Variants in SPEG observed in about 807,000 individuals in gnomAD.
The protein encoded by SPEG is striated muscle preferentially expressed protein kinase.
In SPEG, 114 loss-of-function variants were observed where a neutral mutation model predicts 300.4. The ratio of observed to expected loss-of-function variants is 0.38; its 90% CI spans 0.33 to 0.44. SPEG has a LOEUF of 0.44. Ranked by LOEUF, SPEG falls within the 20% of genes least tolerant of loss-of-function variation. SPEG has a pLI of 1.00. For missense variants in SPEG, 4,201 were observed against 4,586.2 expected (o/e 0.92, Z 2.43); for synonymous variants, 1,964 against 2,018.9 (o/e 0.97, Z 0.73).
In SPEG at chr2:219,451,618, C is replaced by A; in HGVS notation, c.2258-7C>A. The A allele has an allele frequency of 1.3e-6, 2 of 1,538,134 alleles. No individual in the cohort carries two copies. Among genetic ancestry groups the A allele is most frequent in the East Asian group, 2.3e-5 (1 of 42,674 alleles). ...GTGGCGAGCCGGGTCCCTGTGCCTC[C>A]CCACAGTGTCCTGGCACAAGGATGG... On this transcript the variant is annotated splice_polypyrimidine_tract_variant and splice_region_variant and intron_variant, in intron 5 of 40. Coordinates refer to ENST00000312358, the MANE Select transcript of SPEG (RefSeq NM_005876.5). This position sits in a 1 kb window ranked among gnomAD's most constrained non-coding sequence, Gnocchi z 6.4.
chr2:219,472,165 C>A, intron 14 of SPEG, 62 bp from the exon 15 acceptor site: 1 of 1,566,678 alleles, frequency 6.4e-7, no homozygotes, highest in Non-Finnish European at 8.7e-7. Flanking sequence ...CCCTGAGGCT[C>A]GGTGATCCTG....
At chr2:219,463,068 G>A (rs903828335) in intron 8 of SPEG, among the ~76,000 whole-genome samples, 3 of 152,096 alleles carry the variant, frequency 2.0e-5, no homozygotes, top group African/African-American at 7.2e-5. Context: ...AAATTAGCTG[G>A]ACGTGGTAGT....
Position 219,464,576 on chromosome 2 carries a change from C to G in SPEG, c.2849C>G (p.Ala950Gly). 3 of 1,614,232 alleles carry G rather than the reference C, an allele frequency of 1.9e-6. No individual in the cohort carries two copies. Among genetic ancestry groups the G allele is most frequent in the Non-Finnish European group, 1.7e-6 (2 of 1,180,024 alleles). ...TGCAAAGCGGTCAATGAGTATGGTG[C>G]TCGGCAGTGCGAGGCCCGCTTGGAG... ...YTCKAVNEYG[A>G]RQCEARLEVR... Residue 950 changes from alanine (A) to glycine (G), a missense_variant, in exon 9 of 41, where the codon GCT becomes GGT. By Grantham distance (60) the Ala-to-Gly change is moderately conservative. Coordinates refer to ENST00000312358, the MANE Select transcript of SPEG (RefSeq NM_005876.5). This position sits in a 1 kb window ranked among gnomAD's most constrained non-coding sequence, Gnocchi z 4.5.
intron 9 of SPEG, chr2:219,465,954 TGTGCGTGTGCATGC>T (rs1210601954): frequency 1.5e-5 from 14 of 963,540 alleles, no homozygotes; most frequent in African/African-American, 6.3e-5. Flanking sequence ...TGCGTGCATG[TGTGCGTGTGCATGC>T]GTGTGTGTGC....
At chr2:219,471,512 T>G in intron 13 of SPEG, 2 of 284,950 alleles carry the variant, frequency 7.0e-6, no homozygotes, top group African/African-American at 2.2e-5. Flanking sequence ...GACATAGAGG[T>G]TGTGACCATG....
At position 219,477,414 on chromosome 2, in the gene SPEG, C is replaced by T. The variant is rs1692449848; in HGVS notation, c.4698C>T (p.Val1566=). The T allele has an allele frequency of 6.3e-7, 1 of 1,599,896 alleles. No individual in the cohort carries two copies. Among genetic ancestry groups the T allele is most frequent in the Non-Finnish European group, 8.5e-7 (1 of 1,173,272 alleles). The change falls in exon 20 of 41, where the codon GTC becomes GTT. Residue 1566 remains valine (V), a synonymous_variant. Coordinates refer to ENST00000312358, the MANE Select transcript of SPEG (RefSeq NM_005876.5). This position sits in a 1 kb window ranked among gnomAD's most constrained non-coding sequence, Gnocchi z 6.4. ...CCGCCCAGAACCTGGCGGGTGAGGT[C>T]TCCTGCAAAGCAGAGTTGGCTGTGC... ...TCTAQNLAGE[V]SCKAELAVHS...
rs530891153 is a variant in SPEG at position 219,462,211 on chromosome 2, G to A, written c.2617-87G>A. ...CAGAGCCAGTCTCAGCCTGGCTGTG[G>A]AAGAGTCCTCCGTCTCAGATTCCAC... On this transcript the variant is annotated intron_variant, in intron 7 of 40. Coordinates refer to ENST00000312358, the MANE Select transcript of SPEG (RefSeq NM_005876.5). The A allele has an allele frequency of 9.6e-5, 123 of 1,281,166 alleles. 1 individual carries two copies. In the South Asian group the frequency reaches 1.5e-3, roughly 16 times the overall value. The allele number at this position is 1,281,166 out of a possible 1,614,324, so 79.4% of individuals were successfully genotyped here. A position where few individuals can be genotyped will look rare whatever the true frequency, so the allele number is the denominator to read the frequency against.
chr2:219,462,080 C>T (rs758881949), intron 7 of SPEG, 23 bp downstream of exon 7: 1 of 1,574,662 alleles, frequency 6.4e-7, no homozygotes, highest in South Asian at 1.2e-5. Flanking sequence ...AGGCTGGGGC[C>T]TAGCCTCCTG....
intron 1 of SPEG, among the ~76,000 whole-genome samples, chr2:219,436,619 G>A (rs574959154): frequency 6.6e-6 from 1 of 152,212 alleles, no homozygotes; most frequent in African/African-American, 2.4e-5. Flanking sequence ...CAAGTCAGGA[G>A]AGGGAGCCGG....
chr2:219,490,393 T>TC lies in SPEG; in HGVS notation c.8922-10dup, dbSNP rs767689043. On this transcript the variant is annotated splice_polypyrimidine_tract_variant and intron_variant, in intron 36 of 40. Coordinates refer to ENST00000312358, the MANE Select transcript of SPEG (RefSeq NM_005876.5). ...CTCTCCTCTGAGCCGGTGGTGTCCC[T>TC]CCCCCCGACACACAGGGGCCGCTTT... 6.9e-6 allele frequency: 11 copies of TC among 1,602,254 alleles called. No individual in the cohort carries two copies. The highest frequency in any genetic ancestry group is 1.3e-5 in the African/African-American group (1 of 74,774).
Position 219,462,064 on chromosome 2 carries a change from C to A in SPEG, c.2616+7C>A, listed in dbSNP as rs766400951. ...GGCACCCCCCACCTTCAAGGTCAGACCCCTGAGGCTGGGGCCTAGCCTCCT... is the reference window on the plus strand; with the variant it reads ...GGCACCCCCCACCTTCAAGGTCAGAACCCTGAGGCTGGGGCCTAGCCTCCT... On this transcript the variant is annotated splice_region_variant and intron_variant, in intron 7 of 40. Transcript: ENST00000312358. The A allele has an allele frequency of 7.5e-6, 12 of 1,593,156 alleles. No homozygotes were observed. The Admixed American group carries it at 2.2e-4, about 29-fold the overall frequency.
Position 219,448,801 on chromosome 2 carries a change from T to G in SPEG, c.1643T>G (p.Val548Gly). The G allele has an allele frequency of 7.1e-7, 1 of 1,401,452 alleles. No individual in the cohort carries two copies. The highest frequency in any genetic ancestry group is 9.2e-7 in the Non-Finnish European group (1 of 1,085,564). The allele number at this position is 1,401,452 out of a possible 1,614,324, so 86.8% of individuals were successfully genotyped here. A position where few individuals can be genotyped will look rare whatever the true frequency, so the allele number is the denominator to read the frequency against. Residue 548 changes from valine to glycine, a missense_variant, in exon 4 of 41, where the codon GTG (valine) becomes GGG (glycine). Around this residue, in one of 4 missense-constraint regions of SPEG, gnomAD observed 1,258 missense variants for 1,293.9 expected, o/e 0.97. Coordinates refer to ENST00000312358, the MANE Select transcript of SPEG (RefSeq NM_005876.5). ...RPSTPKTSRAVSPAAAQPPSP... is the reference protein window; with the variant it reads ...RPSTPKTSRAGSPAAAQPPSP... Reference sequence around the variant, plus strand: ...TCCACCCCCAAGACATCGCGGGCCGTGAGCCCCGCCGCCGCCCAGCCGCCC... The same window carrying G: ...TCCACCCCCAAGACATCGCGGGCCGGGAGCCCCGCCGCCGCCCAGCCGCCC...
chr2:219,448,811 C>G lies in SPEG; in HGVS notation c.1653C>G (p.Ala551=). The change falls in exon 4 of 41, where the codon GCC becomes GCG. Residue 551 remains alanine (A), a synonymous_variant. Coordinates refer to ENST00000312358, the MANE Select transcript of SPEG (RefSeq NM_005876.5). ...AGACATCGCGGGCCGTGAGCCCCGC[C>G]GCCGCCCAGCCGCCCTCTCCGAGCA... The part of the protein sequence containing the change: ...TPKTSRAVSP[A]AAQPPSPSSA... 7.1e-7 allele frequency: 1 copy of G among 1,402,656 alleles called. No homozygotes were observed. The highest frequency in any genetic ancestry group is 9.2e-7 in the Non-Finnish European group (1 of 1,086,830). 86.9% of individuals were successfully genotyped at this position (1,402,656 alleles called of 1,614,324 possible).
At position 219,479,078 on chromosome 2, in the gene SPEG, G is replaced by T. The variant is rs747646493; in HGVS notation, c.5028-66G>T. The T allele has an allele frequency of 9.0e-5, 131 of 1,462,608 alleles. No homozygotes were observed. The highest frequency in any genetic ancestry group is 1.2e-4 in the Non-Finnish European group (124 of 1,048,154). The allele number at this position is 1,462,608 out of a possible 1,614,324, so 90.6% of individuals were successfully genotyped here. ...AGAACCCCGTGCTGAGCTGGGACCT[G>T]CCCTGAGCGCTGGGCTGGGCCGGGC... On this transcript the variant is annotated intron_variant, in intron 22 of 40. Transcript: ENST00000312358. This position sits in a 1 kb window ranked among gnomAD's most constrained non-coding sequence, Gnocchi z 5.5.
At chr2:219,460,868 G>A (rs1575094145) in intron 6 of SPEG, 2 of 986,154 alleles carry the variant, frequency 2.0e-6, no homozygotes, top group South Asian at 9.4e-5. Context: ...GGGCAGGCTG[G>A]ACAGGCTGGG....
At position 219,489,619 on chromosome 2, in the gene SPEG, C is replaced by T. The variant is rs776230394; in HGVS notation, c.8601C>T (p.Val2867=). The stretch of plus-strand genomic sequence containing the variant: ...AGCCCACCCTACCCAGTACCCACGT[C>T]ACCCCAAGTGAGCCCAAGCCTTTCG... ...PAEPTLPSTH[V]TPSEPKPFVL... The change falls in exon 36 of 41, where the codon GTC becomes GTT. Residue 2867 remains valine (V), a synonymous_variant. Coordinates refer to ENST00000312358, the MANE Select transcript of SPEG (RefSeq NM_005876.5). The T allele has an allele frequency of 1.2e-6, 2 of 1,613,892 alleles. No individual in the cohort carries two copies. Among genetic ancestry groups the T allele is most frequent in the African/African-American group, 1.3e-5 (1 of 75,026 alleles).
rs1078212 is a variant in SPEG, at chr2:219,492,872, C to T, written c.*86C>T. 16 of 1,394,896 alleles carry T rather than the reference C, an allele frequency of 1.1e-5. No individual in the cohort carries two copies. Among genetic ancestry groups the T allele is most frequent in the East Asian group, 2.5e-5 (1 of 40,224 alleles). 86.4% of individuals were successfully genotyped at this position (1,394,896 alleles called of 1,614,324 possible). A position where few individuals can be genotyped will look rare whatever the true frequency, so the allele number is the denominator to read the frequency against. On this transcript the variant is annotated 3_prime_UTR_variant, in exon 41 of 41. Transcript: ENST00000312358. ...ATTCCAGGGCCCACGCTGAGCCAGG[C>T]GGGCCTGGGGCTTCGGTTACCACCA...
chr2:219,474,009 A>G (rs1231040846), intron 18 of SPEG, 106 bp downstream of exon 18: 2 of 1,200,440 alleles, frequency 1.7e-6, no homozygotes, highest in East Asian at 5.0e-5. Context: ...ATCCAAACCC[A>G]TGTCCTCTGG....
intron 10 of SPEG, 145 bp downstream of exon 10, chr2:219,467,579 G>A: frequency 4.3e-6 from 4 of 926,530 alleles, no homozygotes; most frequent in Middle Eastern, 3.4e-4. Context: ...CATTGCCTTG[G>A]CCTCAATAAA....
Sources: allele counts gnomAD v4.1 joint callset (sites outside exome capture counted in the v4.1 genomes callset), GRCh38; gene constraint gnomAD v4.1.1; regional missense constraint gnomAD v4.1.1; non-coding constraint Gnocchi (gnomAD v3.1); transcripts MANE v1.5; gene names NCBI Gene and HGNC (gene_info 2026-07-23, HGNC 2026-07-21).